SLC2A13: variants seen among roughly 807,000 people sequenced by gnomAD.
SLC2A13 encodes solute carrier family 2 member 13, also known as proton myo-inositol cotransporter.
A neutral mutation model predicts 64.4 loss-of-function variants in SLC2A13; 32 were observed. The ratio of observed to expected loss-of-function variants is 0.50; its 90% CI spans 0.37 to 0.67. The LOEUF (loss-of-function observed/expected upper bound fraction) is 0.67. Among genes scored for constraint, SLC2A13 ranks in the 30% least tolerant of loss-of-function variants. The probability of loss-of-function intolerance (pLI) is 0.00; values close to 1 mark genes in which losing one functional copy is unlikely to be tolerated. For missense variants in SLC2A13, 743 were observed against 829.2 expected (o/e 0.90, Z 1.28); for synonymous variants, 338 against 327.1 (o/e 1.03, Z -0.36).
chr12:40,098,263 C>T (rs548692062), intron 1 of SLC2A13, among the ~76,000 whole-genome samples: 5 of 152,176 alleles, frequency 3.3e-5, no homozygotes, highest in African/African-American at 1.2e-4. Context: ...TGCATGATTC[C>T]ACTTACGTGA....
chr12:39,991,806 T>TA (rs1555148275), intron 3 of SLC2A13, among the ~76,000 whole-genome samples: 27,140 of 151,722 alleles, frequency 0.18, 2,858 homozygotes, highest in African/African-American at 0.27. Context: ...ACTATCTTTT[T>TA]AAAAAAAAAT....
At chr12:40,035,208 A>G (rs888523801) in intron 2 of SLC2A13, among the ~76,000 whole-genome samples, 6 of 152,184 alleles carry the variant, frequency 3.9e-5, no homozygotes, top group African/African-American at 1.4e-4. Flanking sequence ...TGGATTTACA[A>G]AAGAAATGGT....
intron 1 of SLC2A13, among the ~76,000 whole-genome samples, chr12:40,049,729 T>C (rs563430762): frequency 3.5e-4 from 54 of 152,266 alleles, no homozygotes; most frequent in African/African-American, 1.3e-3. Context: ...CTTTGTTACA[T>C]CTTTGAACAA....
At chr12:39,861,113 C>A (rs1025924030) in intron 6 of SLC2A13, among the ~76,000 whole-genome samples, 22 of 152,214 alleles carry the variant, frequency 1.4e-4, no homozygotes, top group African/African-American at 5.3e-4. Context: ...TTTGTACCTG[C>A]CATTCTTTCT....
At chr12:40,101,116 A>C (rs1939135072) in intron 1 of SLC2A13, among the ~76,000 whole-genome samples, 2 of 152,052 alleles carry the variant, frequency 1.3e-5, no homozygotes, top group African/African-American at 4.8e-5. Context: ...GAGAAAGTCT[A>C]GTGTCAGGAC....
At position 39,824,289 on chromosome 12, in the gene SLC2A13, A is replaced by G. The variant is rs538027103; in HGVS notation, c.1445+5814T>C. Reference sequence around the variant, plus strand: ...TTTCTTCCAATGTGGTCTGATTCACATCAAAGATGAGACTTAGATACCGAC... The same window carrying G: ...TTTCTTCCAATGTGGTCTGATTCACGTCAAAGATGAGACTTAGATACCGAC... On this transcript the variant is annotated intron_variant, in intron 7 of 9. Coordinates refer to ENST00000280871, the MANE Select transcript of SLC2A13 (RefSeq NM_052885.4). Among the ~76,000 whole-genome samples the G allele has an allele frequency of 3.3e-5, 5 of 152,352 alleles. No homozygotes were observed. The East Asian group carries it at 9.6e-4, about 29-fold the overall frequency.
At chr12:40,078,218 G>A (rs968821855) in intron 1 of SLC2A13, among the ~76,000 whole-genome samples, 2 of 152,146 alleles carry the variant, frequency 1.3e-5, no homozygotes, top group African/African-American at 4.8e-5. Context: ...GGGCATCCTT[G>A]TCTTGTTCTG....
At chr12:39,957,074 G>T (rs1280849578) in intron 3 of SLC2A13, among the ~76,000 whole-genome samples, 1 of 152,124 alleles carries the variant, frequency 6.6e-6, no homozygotes, top group Non-Finnish European at 1.5e-5. Flanking sequence ...ATCACCAAGA[G>T]TATTAAGCAT....
intron 2 of SLC2A13, among the ~76,000 whole-genome samples, chr12:40,045,167 T>C (rs879720325): frequency 5.3e-5 from 8 of 151,976 alleles, no homozygotes; most frequent in Admixed American, 3.9e-4. Flanking sequence ...TAAAATTTAA[T>C]ATTAGAAACT....
intron 6 of SLC2A13, among the ~76,000 whole-genome samples, chr12:39,843,229 A>G (rs1047429588): frequency 2.0e-5 from 3 of 152,010 alleles, no homozygotes; most frequent in African/African-American, 7.2e-5. Context: ...ACTTTTTCGT[A>G]CTTGATCTTT....
At chr12:39,868,218 T>A (rs1324007411) in intron 5 of SLC2A13, among the ~76,000 whole-genome samples, 2 of 152,206 alleles carry the variant, frequency 1.3e-5, no homozygotes, top group African/African-American at 4.8e-5. Flanking sequence ...TTCTTTATGT[T>A]TCAAGAGAAG....
chr12:39,900,279 A>G (rs1278952482), intron 4 of SLC2A13, among the ~76,000 whole-genome samples: 1 of 152,192 alleles, frequency 6.6e-6, no homozygotes, highest in Non-Finnish European at 1.5e-5. Flanking sequence ...GAAAACTGGC[A>G]CAAGACAGGG....
At chr12:39,932,607 T>C (rs955914566) in intron 4 of SLC2A13, among the ~76,000 whole-genome samples, 1 of 152,068 alleles carries the variant, frequency 6.6e-6, no homozygotes, top group Non-Finnish European at 1.5e-5. Context: ...TTTTAGACAA[T>C]GATAAACATG....
intron 5 of SLC2A13, among the ~76,000 whole-genome samples, chr12:39,865,837 G>A (rs953350094): frequency 6.6e-6 from 1 of 152,106 alleles, no homozygotes; most frequent in African/African-American, 2.4e-5. Flanking sequence ...AAAAACACAC[G>A]GATACAATGA....
chr12:39,878,792 G>T (rs1308208687), intron 4 of SLC2A13, among the ~76,000 whole-genome samples: 1 of 152,244 alleles, frequency 6.6e-6, no homozygotes, highest in Non-Finnish European at 1.5e-5. Flanking sequence ...GCAACCATTT[G>T]CTAGAGAAAT....
In SLC2A13 at chr12:39,756,998, A is replaced by C. The variant is rs1939986629; in HGVS notation, c.*3028T>G. The C allele has an allele frequency of 6.6e-6, 1 of 151,726 alleles. No individual in the cohort carries two copies. The highest frequency in any genetic ancestry group is 2.1e-4 in the South Asian group (1 of 4,832). 9.4% of individuals were successfully genotyped at this position (151,726 alleles called of 1,614,324 possible). A position where few individuals can be genotyped will look rare whatever the true frequency, so the allele number is the denominator to read the frequency against. On this transcript the variant is annotated 3_prime_UTR_variant, in exon 10 of 10. Transcript: ENST00000280871. ...ATTTAAATATTTTACATATATTAAA[A>C]ATAATCATGTTTTGGGAAATGATTG...
chr12:39,862,035 A>G (rs1252393591), intron 6 of SLC2A13, among the ~76,000 whole-genome samples: 1 of 152,018 alleles, frequency 6.6e-6, no homozygotes, highest in East Asian at 1.9e-4. Context: ...TTCCCCCACC[A>G]CTGCCCCCTA....
At chr12:39,940,809 A>T (rs1386689186) in intron 4 of SLC2A13, among the ~76,000 whole-genome samples, 1 of 152,082 alleles carries the variant, frequency 6.6e-6, no homozygotes, top group African/African-American at 2.4e-5. Flanking sequence ...TGGTGCACCC[A>T]TCACCCAAGC....
At chr12:39,843,380 T>A (rs1943225320) in intron 6 of SLC2A13, among the ~76,000 whole-genome samples, 2 of 152,046 alleles carry the variant, frequency 1.3e-5, no homozygotes, top group African/African-American at 4.8e-5. Context: ...CATTAATACT[T>A]CTTACAGTAG....
Sources: gnomAD v4.1 joint callset for allele counts (sites outside exome capture counted in the v4.1 genomes callset) on GRCh38, gnomAD v4.1.1 for gene constraint, MANE v1.5 for transcripts, NCBI Gene and HGNC (gene_info 2026-07-23, HGNC 2026-07-21) for gene names.